EPHA5: variants seen among roughly 807,000 people sequenced by gnomAD.
EPHA5 encodes the protein EPH receptor A5, also known as ephrin type-A receptor 5.
EPHA5 carries 60 observed loss-of-function variants against 105.0 expected under a neutral mutation model. That is an observed-to-expected ratio of 0.57 (90% confidence interval 0.46 to 0.71). The LOEUF is 0.71. Among genes scored for constraint, EPHA5 ranks in the 30% least tolerant of loss-of-function variants. The pLI is 0.00. For synonymous variants in EPHA5, 513 were observed against 449.1 expected, an observed-to-expected ratio of 1.14 and a Z score of -1.80; for missense variants, 1,218 against 1,274.7, an observed-to-expected ratio of 0.96 and a Z score of 0.68.
chr4:65,492,778 G>A (rs1731539505), intron 4 of EPHA5, among the ~76,000 whole-genome samples: 1 of 152,066 alleles, frequency 6.6e-6, no homozygotes, highest in African/African-American at 2.4e-5. Context: ...ATAGTAGAAT[G>A]ATTTATAATC....
chr4:65,633,645 A>G (rs1276114665), intron 2 of EPHA5, among the ~76,000 whole-genome samples: 1 of 152,022 alleles, frequency 6.6e-6, no homozygotes, highest in African/African-American at 2.4e-5. Flanking sequence ...ACAGAGACCT[A>G]TATATCCCTC....
rs1457386561 is a variant in EPHA5 at position 65,351,552 on chromosome 4, C to T, written c.2282G>A (p.Arg761Lys). 1.2e-6 allele frequency: 2 copies of T among 1,613,576 alleles called. No individual in the cohort carries two copies. The highest frequency in any genetic ancestry group is 1.7e-5 in the Admixed American group (1 of 59,924). ...GTACTTCATTCCTGCAGAGATACCTCTCAGCATGCCAACAAGCTGAATCAC... is the reference window on the plus strand; with the variant it reads ...GTACTTCATTCCTGCAGAGATACCTTTCAGCATGCCAACAAGCTGAATCAC... ...FTVIQLVGML[R>K]GISAGMKYLS... Residue 761 changes from arginine (R) to lysine (K), a missense_variant, in exon 13 of 17, where the codon AGA becomes AAA. Around this residue, in one of 3 missense-constraint regions of EPHA5, gnomAD observed 971 missense variants for 1,013.5 expected, o/e 0.96. Transcript: ENST00000613740.
chr4:65,478,054 A>G (rs10015053), intron 5 of EPHA5, among the ~76,000 whole-genome samples: 21,781 of 152,252 alleles, frequency 0.14, 1,754 homozygotes, highest in East Asian at 0.23. Context: ...AGACATATTA[A>G]TTGGATTAGA....
chr4:65,377,989 GA>G (rs1448946500), intron 8 of EPHA5, among the ~76,000 whole-genome samples: 1 of 151,758 alleles, frequency 6.6e-6, no homozygotes, highest in Non-Finnish European at 1.5e-5. Flanking sequence ...AATCTGTTTT[GA>G]ACTTTCATTT....
At chr4:65,582,553 A>T (rs1287967515) in intron 3 of EPHA5, among the ~76,000 whole-genome samples, 4 of 151,660 alleles carry the variant, frequency 2.6e-5, no homozygotes, top group African/African-American at 9.7e-5. Context: ...TCAAAAAAAA[A>T]TAAACTGAAG....
intron 6 of EPHA5, among the ~76,000 whole-genome samples, chr4:65,418,775 T>C (rs1723635853): frequency 6.6e-6 from 1 of 151,370 alleles, no homozygotes; most frequent in African/African-American, 2.4e-5. Context: ...ACACAGGCAA[T>C]TGTTGAATCA....
rs573835014 is a variant in EPHA5 at position 65,324,100 on chromosome 4, A to G, written c.*14T>C. 3 of 1,568,672 alleles carry G rather than the reference A, an allele frequency of 1.9e-6. No homozygotes were observed. The highest frequency in any genetic ancestry group is 2.6e-6 in the Non-Finnish European group (3 of 1,140,692). ...GCAGAATCATTCACTTGAAGAAGCG[A>G]CATTTACATGAAGTTACAATGGCAC... On this transcript the variant is annotated 3_prime_UTR_variant, in exon 17 of 17. Transcript: ENST00000613740.
At chr4:65,529,850 G>A (rs1396374469) in intron 3 of EPHA5, among the ~76,000 whole-genome samples, 2 of 151,956 alleles carry the variant, frequency 1.3e-5, no homozygotes, top group African/African-American at 4.8e-5. Context: ...ACAAAGTTCT[G>A]GTGGGTGTTG....
intron 13 of EPHA5, among the ~76,000 whole-genome samples, chr4:65,348,732 T>C (rs76571913): frequency 0.02 from 2,381 of 116,394 alleles, 85 homozygotes; most frequent in Admixed American, 0.039. Flanking sequence ...TATGTGTGTG[T>C]ATATATATGT....
At chr4:65,331,128 A>G (rs909147684) in intron 16 of EPHA5, 21 of 1,035,830 alleles carry the variant, frequency 2.0e-5, no homozygotes, top group Non-Finnish European at 2.4e-5. Context: ...AAACCTTACA[A>G]TATTTTAACC....
intron 11 of EPHA5, among the ~76,000 whole-genome samples, chr4:65,354,602 A>G (rs1723126005): frequency 6.6e-6 from 1 of 151,714 alleles, no homozygotes; most frequent in Non-Finnish European, 1.5e-5. Flanking sequence ...ACAATTGTGA[A>G]ATGCATTATA....
intron 2 of EPHA5, among the ~76,000 whole-genome samples, chr4:65,620,640 T>C (rs372488609): frequency 5.3e-5 from 8 of 152,300 alleles, no homozygotes; most frequent in African/African-American, 1.7e-4. Flanking sequence ...GAAAACATTA[T>C]AGAAGTTCAA....
chr4:65,495,338 C>A (rs775561384), intron 4 of EPHA5, 50 bp downstream of exon 4: 1 of 1,576,084 alleles, frequency 6.3e-7, no homozygotes, highest in East Asian at 2.3e-5. Flanking sequence ...ATGCTGTTTC[C>A]TCAAAACTGG....
rs1300741955 is a variant in EPHA5, at chr4:65,507,358, T to C, written c.911-11815A>G. Among the ~76,000 whole-genome samples the C allele has an allele frequency of 2.6e-5, 4 of 152,188 alleles. No homozygotes were observed. The East Asian group carries it at 7.7e-4, about 29-fold the overall frequency. On this transcript the variant is annotated intron_variant, in intron 3 of 16. Coordinates refer to ENST00000613740, the MANE Select transcript of EPHA5 (RefSeq NM_001281766.3). ...TTGTCTTGGCAATGCAGGCTCTTTTTTGGTTCCATATGAACTTTAAAGTAG... is the reference window on the plus strand; with the variant it reads ...TTGTCTTGGCAATGCAGGCTCTTTTCTGGTTCCATATGAACTTTAAAGTAG...
intron 5 of EPHA5, among the ~76,000 whole-genome samples, chr4:65,433,292 T>C (rs1725150866): frequency 2.0e-5 from 3 of 152,202 alleles, no homozygotes; most frequent in Admixed American, 2.0e-4. Flanking sequence ...GAAGCTTCCA[T>C]ATTCAAATAC....
chr4:65,493,939 C>T (rs2149221579), intron 4 of EPHA5, among the ~76,000 whole-genome samples: 1 of 152,302 alleles, frequency 6.6e-6, no homozygotes, highest in South Asian at 2.1e-4. Context: ...ATTTACCACT[C>T]TGTTGTCTAG....
chr4:65,422,808 T>C (rs533209689), intron 5 of EPHA5, among the ~76,000 whole-genome samples: 1 of 152,172 alleles, frequency 6.6e-6, no homozygotes, highest in Admixed American at 6.6e-5. Context: ...AAATTTAGAA[T>C]AGCTTTATTT....
intron 13 of EPHA5, among the ~76,000 whole-genome samples, chr4:65,349,332 TAAAAATTGATTTGG>T (rs1560439136): frequency 1.5e-4 from 16 of 103,632 alleles, no homozygotes; most frequent in Admixed American, 8.2e-4. Flanking sequence ...TTTTATGGCA[TAAAAATTGATTTGG>T]AGACTTTCTC....
intron 3 of EPHA5, among the ~76,000 whole-genome samples, chr4:65,562,595 A>T (rs1215720612): frequency 1.3e-5 from 2 of 152,084 alleles, no homozygotes; most frequent in African/African-American, 4.8e-5. Context: ...TGTGGAAGAC[A>T]TATGGTTCAT....
Sources: gnomAD v4.1 joint callset for allele counts (sites outside exome capture counted in the v4.1 genomes callset) on GRCh38, gnomAD v4.1.1 for gene constraint, gnomAD v4.1.1 regional missense constraint, MANE v1.5 for transcripts, NCBI Gene and HGNC (gene_info 2026-07-23, HGNC 2026-07-21) for gene names.